Variants in SLIT3 observed in about 807,000 individuals in gnomAD.
SLIT3 encodes slit homolog 3 protein.
Under a neutral mutation model 184.0 loss-of-function variants are expected in SLIT3, and 68 were observed. The ratio of observed to expected loss-of-function variants is 0.37; its 90% CI spans 0.30 to 0.45. The LOEUF (loss-of-function observed/expected upper bound fraction) is 0.45, where lower values mean the gene tolerates loss of function less well. Among genes scored for constraint, SLIT3 ranks in the 20% least tolerant of loss-of-function variants. The pLI, the probability that SLIT3 is intolerant of heterozygous loss-of-function variation, is 1.00. For synonymous variants in SLIT3, 831 were observed against 828.6 expected, an observed-to-expected ratio of 1.00 and a Z score of -0.05; for missense variants, 1,707 against 2,026.0, an observed-to-expected ratio of 0.84 and a Z score of 3.02.
chr5:169,274,256 T>C (rs926604043), intron 1 of SLIT3, among the ~76,000 whole-genome samples: 1 of 152,098 alleles, frequency 6.6e-6, no homozygotes, highest in Non-Finnish European at 1.5e-5. Flanking sequence ...GCTGTGGGAA[T>C]TGGAAAAAGG....
chr5:169,131,417 C>A (rs1281910387), intron 4 of SLIT3, among the ~76,000 whole-genome samples: 1 of 152,218 alleles, frequency 6.6e-6, no homozygotes, highest in East Asian at 1.9e-4. Flanking sequence ...GGTATTCTAA[C>A]AAGTACTGCC....
At chr5:169,229,114 G>A (rs949895890) in intron 3 of SLIT3, among the ~76,000 whole-genome samples, 1 of 152,144 alleles carries the variant, frequency 6.6e-6, no homozygotes, top group South Asian at 2.1e-4. Context: ...GAGAGAGGGA[G>A]ACATAAGCAT....
At chr5:168,773,012 C>T (rs1755612479) in intron 13 of SLIT3, 68 bp from the exon 14 acceptor site, 2 of 1,481,930 alleles carry the variant, frequency 1.3e-6, no homozygotes, top group Non-Finnish European at 1.8e-6. Context: ...CACCACCCTG[C>T]CTCGCGCTGG....
intron 9 of SLIT3, 105 bp from the exon 10 acceptor site, chr5:168,795,683 G>GT: frequency 2.2e-6 from 2 of 889,476 alleles, no homozygotes; most frequent in South Asian, 2.7e-5. Flanking sequence ...GGTCTTTTTT[G>GT]TCACAGGTGC....
chr5:168,752,137 T>G (rs1426317883), intron 18 of SLIT3, among the ~76,000 whole-genome samples: 1 of 152,226 alleles, frequency 6.6e-6, no homozygotes. Context: ...AAAGACGAGA[T>G]GGCCCACAGC....
intron 28 of SLIT3, among the ~76,000 whole-genome samples, chr5:168,695,682 G>T (rs538380310): frequency 6.6e-6 from 1 of 152,196 alleles, no homozygotes; most frequent in Admixed American, 6.6e-5. Flanking sequence ...TTTGTGTTTG[G>T]GGGGTAGGTG....
chr5:169,249,844 G>A (rs1317132348), intron 2 of SLIT3, among the ~76,000 whole-genome samples: 2 of 152,232 alleles, frequency 1.3e-5, no homozygotes, highest in Non-Finnish European at 2.9e-5. Context: ...TTCCCTTTGA[G>A]GGTGGTGAGA....
At chr5:169,136,914 G>A (rs1374792693) in intron 4 of SLIT3, among the ~76,000 whole-genome samples, 1 of 152,102 alleles carries the variant, frequency 6.6e-6, no homozygotes, top group African/African-American at 2.4e-5. Flanking sequence ...TAGAGATGGG[G>A]TCTCCCTATT....
chr5:168,927,580 C>T (rs1351493704), intron 4 of SLIT3, among the ~76,000 whole-genome samples: 2 of 152,134 alleles, frequency 1.3e-5, no homozygotes, highest in Admixed American at 6.5e-5. Context: ...CATTCAACAC[C>T]GGAGACCCCT....
chr5:168,781,208 T>A (rs1755959593), intron 12 of SLIT3, among the ~76,000 whole-genome samples: 1 of 152,132 alleles, frequency 6.6e-6, no homozygotes, highest in Non-Finnish European at 1.5e-5. Flanking sequence ...AGCCACTGGG[T>A]TTTCCTAAGG....
chr5:168,916,954 G>A lies in SLIT3; in HGVS notation c.414-33618C>T, dbSNP rs192577439. 7.2e-5 allele frequency among the ~76,000 whole-genome samples: 11 copies of A among 152,190 alleles called. No individual in the cohort carries two copies. The East Asian group carries it at 7.7e-4, about 11-fold the overall frequency. On this transcript the variant is annotated intron_variant, in intron 4 of 35. Coordinates refer to ENST00000519560, the MANE Select transcript of SLIT3 (RefSeq NM_003062.4). ...CACGGTGCTTTGTTTTATTGATAGCGGCGTCTCTCCCTGTCATTTCTCCCT... is the reference window on the plus strand; with the variant it reads ...CACGGTGCTTTGTTTTATTGATAGCAGCGTCTCTCCCTGTCATTTCTCCCT...
intron 3 of SLIT3, among the ~76,000 whole-genome samples, chr5:169,229,708 AG>A (rs1263497214): frequency 8.0e-5 from 12 of 149,848 alleles, no homozygotes; most frequent in African/African-American, 2.9e-4. Context: ...ATGATGAGGG[AG>A]AGGAGCAGTG....
chr5:169,081,120 C>G (rs961363158), intron 4 of SLIT3, among the ~76,000 whole-genome samples: 3 of 152,194 alleles, frequency 2.0e-5, no homozygotes, highest in African/African-American at 7.2e-5. Flanking sequence ...TGCACAATCA[C>G]GAAAGGCCTG....
At chr5:168,823,140 T>G in intron 7 of SLIT3, 120 bp downstream of exon 7, 1 of 844,300 alleles carries the variant, frequency 1.2e-6, no homozygotes, top group Admixed American at 1.7e-5. Flanking sequence ...AAGGAGGAAT[T>G]TGAATGTCGG....
At position 169,139,343 on chromosome 5, in the gene SLIT3, T is replaced by C. The variant is rs536075480; in HGVS notation, c.413+54136A>G. ...AAGAATGGTGATTAACAAAATGGAATATTTATTGAGAATTTACTACGCATC... is the reference window on the plus strand; with the variant it reads ...AAGAATGGTGATTAACAAAATGGAACATTTATTGAGAATTTACTACGCATC... On this transcript the variant is annotated intron_variant, in intron 4 of 35. Transcript: ENST00000519560. 1.8e-3 allele frequency among the ~76,000 whole-genome samples: 276 copies of C among 152,342 alleles called. 3 individuals carry two copies. The highest frequency in any genetic ancestry group is 6.4e-3 in the South Asian group (31 of 4,820).
chr5:169,117,409 C>T (rs144871581), intron 4 of SLIT3, among the ~76,000 whole-genome samples: 14 of 151,924 alleles, frequency 9.2e-5, no homozygotes, highest in African/African-American at 2.9e-4. Context: ...TGTTCTCCCC[C>T]GTCCCCTCCC....
At chr5:169,032,509 A>ATTTTTTTT (rs3072089) in intron 4 of SLIT3, among the ~76,000 whole-genome samples, 12 of 145,360 alleles carry the variant, frequency 8.3e-5, no homozygotes, top group African/African-American at 2.0e-4. Context: ...TGTGCCAGTC[A>ATTTTTTTT]TTTTTTTTTT....
intron 4 of SLIT3, among the ~76,000 whole-genome samples, chr5:169,192,101 T>G (rs1763571961): frequency 6.6e-6 from 1 of 152,210 alleles, no homozygotes; most frequent in African/African-American, 2.4e-5. Flanking sequence ...AGGGTGTTTC[T>G]GGTATGCCCA....
intron 4 of SLIT3, among the ~76,000 whole-genome samples, chr5:168,920,981 T>C (rs908317960): frequency 1.3e-5 from 2 of 152,216 alleles, no homozygotes; most frequent in Non-Finnish European, 2.9e-5. Context: ...CACATTGCTC[T>C]GCTCCTTGAG....
Sources: gnomAD v4.1 joint callset for allele counts (sites outside exome capture counted in the v4.1 genomes callset) on GRCh38, gnomAD v4.1.1 for gene constraint, MANE v1.5 for transcripts, NCBI Gene and HGNC (gene_info 2026-07-23, HGNC 2026-07-21) for gene names.